The following COL8A1 variants were observed in gnomAD, a reference collection of about 807,000 sequenced individuals.
COL8A1 encodes the protein collagen type VIII alpha 1 chain.
In COL8A1, 21 loss-of-function variants were observed where a neutral mutation model predicts 42.7. The observed-to-expected ratio is 0.49, with a 90% confidence interval of 0.35 to 0.71. The LOEUF (loss-of-function observed/expected upper bound fraction) is 0.71, where lower values mean the gene tolerates loss of function less well. Ranked by LOEUF, COL8A1 falls within the 30% of genes least tolerant of loss-of-function variation. The probability of loss-of-function intolerance (pLI) is 0.01; values close to 1 mark genes in which losing one functional copy is unlikely to be tolerated. For synonymous variants in COL8A1, 367 were observed against 369.1 expected (o/e 0.99, Z 0.06); for missense variants, 788 against 962.4 (o/e 0.82, Z 2.40).
chr3:99,735,612 C>CT (rs1340520568), intron 1 of COL8A1, among the ~76,000 whole-genome samples: 6 of 149,286 alleles, frequency 4.0e-5, no homozygotes, highest in Non-Finnish European at 6.0e-5. Context: ...CTAAAATTCT[C>CT]TTTTTTTGTT....
intron 1 of COL8A1, among the ~76,000 whole-genome samples, chr3:99,641,330 TG>T (rs1039132603): frequency 1.9e-4 from 29 of 152,176 alleles, no homozygotes; most frequent in African/African-American, 6.8e-4. Context: ...TTTATTTGTT[TG>T]TTGTTTTTTA....
intron 2 of COL8A1, among the ~76,000 whole-genome samples, chr3:99,773,969 T>G (rs1219059268): frequency 6.7e-6 from 1 of 148,386 alleles, no homozygotes; most frequent in South Asian, 2.2e-4. Flanking sequence ...CTCAGCTTCC[T>G]GAGTAGCTGG....
intron 1 of COL8A1, among the ~76,000 whole-genome samples, chr3:99,674,939 A>G (rs560363496): frequency 2.0e-5 from 3 of 152,252 alleles, no homozygotes; most frequent in African/African-American, 7.2e-5. Flanking sequence ...TACATGTGTC[A>G]TCTAAGCTTT....
chr3:99,762,448 C>G (rs137964112), intron 2 of COL8A1, among the ~76,000 whole-genome samples: 1 of 152,300 alleles, frequency 6.6e-6, no homozygotes, highest in African/African-American at 2.4e-5. Flanking sequence ...GTCTTCATAT[C>G]AAGCTGGGAG....
At chr3:99,708,759 C>A (rs1171838712) in intron 1 of COL8A1, among the ~76,000 whole-genome samples, 1 of 152,026 alleles carries the variant, frequency 6.6e-6, no homozygotes, top group African/African-American at 2.4e-5. Context: ...AATTATAACA[C>A]CAAATTTTGC....
chr3:99,663,394 G>A (rs992890301), intron 1 of COL8A1, among the ~76,000 whole-genome samples: 3 of 152,018 alleles, frequency 2.0e-5, no homozygotes, highest in African/African-American at 4.8e-5. Context: ...TTTGCTCTAG[G>A]GCCTCTCAAA....
At chr3:99,731,343 G>C (rs497868) in intron 1 of COL8A1, among the ~76,000 whole-genome samples, 72,645 of 151,888 alleles carry the variant, frequency 0.48, 17,660 homozygotes, top group East Asian at 0.63. Context: ...TCTGGAGGAA[G>C]AGCATTATAG....
At chr3:99,759,867 A>G (rs944104040) in intron 2 of COL8A1, among the ~76,000 whole-genome samples, 10 of 152,186 alleles carry the variant, frequency 6.6e-5, no homozygotes, top group African/African-American at 2.4e-4. Context: ...GGGAGAGAAC[A>G]TTTTAAATGG....
chr3:99,669,137 ATATATATAT>A (rs1559773118), intron 1 of COL8A1, among the ~76,000 whole-genome samples: 1 of 123,492 alleles, frequency 8.1e-6, no homozygotes, highest in Non-Finnish European at 1.7e-5. Flanking sequence ...ATATATATAT[ATATATATAT>A]AGAGGGAGAG....
chr3:99,664,627 G>A (rs975698208), intron 1 of COL8A1, among the ~76,000 whole-genome samples: 8 of 152,118 alleles, frequency 5.3e-5, no homozygotes, highest in African/African-American at 1.7e-4. Flanking sequence ...GGCATGTCCC[G>A]ACTCTGACAT....
At chr3:99,735,090 C>A (rs1275005380) in intron 1 of COL8A1, among the ~76,000 whole-genome samples, 1 of 149,846 alleles carries the variant, frequency 6.7e-6, no homozygotes, top group Non-Finnish European at 1.5e-5. Context: ...ATCATGTCAT[C>A]TGCAAACAGG....
At chr3:99,658,733 A>G (rs563071464) in intron 1 of COL8A1, among the ~76,000 whole-genome samples, 1 of 152,352 alleles carries the variant, frequency 6.6e-6, no homozygotes, top group East Asian at 1.9e-4. Flanking sequence ...TGAGTGGCCA[A>G]AAGTCTAATC....
intron 1 of COL8A1, among the ~76,000 whole-genome samples, chr3:99,651,561 C>T (rs1311192807): frequency 1.3e-5 from 2 of 152,240 alleles, no homozygotes; most frequent in Non-Finnish European, 2.9e-5. Context: ...ACCAACAGCC[C>T]TTCAGGAATC....
At chr3:99,667,121 C>T (rs1477446203) in intron 1 of COL8A1, among the ~76,000 whole-genome samples, 2 of 152,070 alleles carry the variant, frequency 1.3e-5, no homozygotes, top group African/African-American at 4.8e-5. Context: ...AATGACAAAA[C>T]CTAAATCCAA....
intron 1 of COL8A1, among the ~76,000 whole-genome samples, chr3:99,729,701 A>C (rs1397505102): frequency 6.6e-6 from 1 of 152,030 alleles, no homozygotes; most frequent in African/African-American, 2.4e-5. Flanking sequence ...TTTTGTAAAA[A>C]ATCAGCCAAA....
At chr3:99,702,518 C>T (rs1939569356) in intron 1 of COL8A1, among the ~76,000 whole-genome samples, 1 of 152,178 alleles carries the variant, frequency 6.6e-6, no homozygotes, top group Admixed American at 6.5e-5. Flanking sequence ...ATTAAATCAA[C>T]ATGTTTTTGA....
intron 2 of COL8A1, among the ~76,000 whole-genome samples, chr3:99,789,699 A>T (rs968666092): frequency 1.3e-5 from 2 of 152,204 alleles, no homozygotes; most frequent in Non-Finnish European, 2.9e-5. Flanking sequence ...CTAATTTGTA[A>T]AGAGTGCTAT....
At chr3:99,712,998 G>C (rs984018401) in intron 1 of COL8A1, among the ~76,000 whole-genome samples, 1 of 152,096 alleles carries the variant, frequency 6.6e-6, no homozygotes, top group East Asian at 1.9e-4. Context: ...ACAAAGTTGA[G>C]AACAGTTTGT....
intron 1 of COL8A1, among the ~76,000 whole-genome samples, chr3:99,676,912 G>A (rs1325752919): frequency 6.6e-6 from 1 of 151,978 alleles, no homozygotes; most frequent in Non-Finnish European, 1.5e-5. Flanking sequence ...ACCATTTACA[G>A]TAGCAATTAA....
Sources: allele counts gnomAD v4.1 joint callset (sites outside exome capture counted in the v4.1 genomes callset), GRCh38; gene constraint gnomAD v4.1.1; transcripts MANE v1.5; gene names NCBI Gene and HGNC (gene_info 2026-07-23, HGNC 2026-07-21).